ISY1: variants seen among roughly 807,000 people sequenced by gnomAD.
ISY1 encodes pre-mRNA-splicing factor ISY1 homolog.
In ISY1, 12 loss-of-function variants were observed where a neutral mutation model predicts 54.4. The observed-to-expected ratio is 0.22, with a 90% CI of 0.14 to 0.36. The LOEUF (loss-of-function observed/expected upper bound fraction) is 0.36, where lower values mean the gene tolerates loss of function less well. Ranked by LOEUF, ISY1 falls within the 10% of genes least tolerant of loss-of-function variation. The pLI is 1.00. For synonymous variants in ISY1, 96 were observed against 117.9 expected (o/e 0.81, Z 1.20); for missense variants, 282 against 342.2 (o/e 0.82, Z 1.39).
At chr3:129,143,736 T>C (rs1936693761) in intron 6 of ISY1, among the ~76,000 whole-genome samples, 1 of 151,678 alleles carries the variant, frequency 6.6e-6, no homozygotes, top group African/African-American at 2.4e-5. Flanking sequence ...TAATGAAAGC[T>C]ACCATTTTGA....
At position 129,134,205 on chromosome 3, in the gene ISY1, A is replaced by G. The variant is rs1285108919; in HGVS notation, c.542-10T>C. The stretch of plus-strand genomic sequence containing the variant: ...ACTAACTCGGCTCTGACTGAACACA[A>G]GAGAGGGTAGGTGCTATTTATTTGT... On this transcript the variant is annotated splice_polypyrimidine_tract_variant and intron_variant, in intron 8 of 10. Transcript: ENST00000393295. The G allele has an allele frequency of 6.2e-7, 1 of 1,614,054 alleles. No homozygotes were observed. The highest frequency in any genetic ancestry group is 8.5e-7 in the Non-Finnish European group (1 of 1,180,014).
intron 1 of ISY1, 55 bp downstream of exon 1, chr3:129,160,918 G>GGCCCCGGGGGGGGGGGGGGGGGGCC: frequency 1.5e-6 from 1 of 666,128 alleles, no homozygotes; most frequent in Non-Finnish European, 2.7e-6. Context: ...TGGACTGGGC[G>GGCCCCGGGGGGGGGGGGGGGGGGCC]CCCCCCCGCC....
chr3:129,147,705 G>C (rs1936812598), intron 5 of ISY1, among the ~76,000 whole-genome samples: 1 of 152,102 alleles, frequency 6.6e-6, no homozygotes, highest in African/African-American at 2.4e-5. Context: ...ATATAATCAT[G>C]TAATCATCAC....
rs1205831499 is a variant in ISY1, at chr3:129,137,485, A to AT, written c.419-2532_419-2531insA. On this transcript the variant is annotated intron_variant, in intron 7 of 10. Coordinates refer to ENST00000393295, the MANE Select transcript of ISY1 (RefSeq NM_020701.4). ...AGAAAAATGTAAATGCAAAAAACCT[A>AT]ACATATAGAGCATAATCACAATATA... Among the ~76,000 whole-genome samples the AT allele has an allele frequency of 3.9e-5, 6 of 152,304 alleles. No individual in the cohort carries two copies. The East Asian group carries it at 1.2e-3, about 29-fold the overall frequency.
At chr3:129,136,098 T>C (rs1404169874) in intron 7 of ISY1, among the ~76,000 whole-genome samples, 1 of 152,008 alleles carries the variant, frequency 6.6e-6, no homozygotes, top group African/African-American at 2.4e-5. Context: ...ATCCAGAATA[T>C]TTAAGTAATT....
chr3:129,147,249 C>T (rs1396317914), intron 5 of ISY1, among the ~76,000 whole-genome samples: 5 of 151,332 alleles, frequency 3.3e-5, no homozygotes, highest in South Asian at 2.1e-4. Context: ...TGATGGTGCA[C>T]GCTTGTAATC....
intron 8 of ISY1, 71 bp from the exon 9 acceptor site, chr3:129,134,266 C>A (rs1936326510): frequency 1.2e-6 from 2 of 1,603,554 alleles, no homozygotes; most frequent in African/African-American, 2.7e-5. Flanking sequence ...CAGGGAAAGG[C>A]CAACACTATG....
At chr3:129,143,001 G>A (rs1461363876) in intron 6 of ISY1, among the ~76,000 whole-genome samples, 1 of 152,184 alleles carries the variant, frequency 6.6e-6, no homozygotes, top group African/African-American at 2.4e-5. Context: ...GTTGCAGTGA[G>A]TCGAAATCAC....
Position 129,148,253 on chromosome 3 carries a change from G to A in ISY1, c.188-2380C>T, listed in dbSNP as rs112145210. On this transcript the variant is annotated intron_variant, in intron 5 of 10. Coordinates refer to ENST00000393295, the MANE Select transcript of ISY1 (RefSeq NM_020701.4). ...TGGGGCTACTATAAACATTATGTAT[G>A]AGTTTTTGTGTAACAGAAAAGTATT... 5.4e-3 allele frequency among the ~76,000 whole-genome samples: 823 copies of A among 152,314 alleles called. 5 individuals carry two copies. The highest frequency in any genetic ancestry group is 9.1e-3 in the Non-Finnish European group (621 of 68,026).
chr3:129,134,013 T>C, intron 9 of ISY1, 61 bp downstream of exon 9: 1 of 1,605,180 alleles, frequency 6.2e-7, no homozygotes, highest in Non-Finnish European at 8.5e-7. Flanking sequence ...GTTTCCTCCC[T>C]GCCACACTTC....
At chr3:129,156,793 G>C (rs1937155363) in intron 4 of ISY1, 62 bp downstream of exon 4, 5 of 1,586,356 alleles carry the variant, frequency 3.2e-6, no homozygotes, top group Non-Finnish European at 4.3e-6. Flanking sequence ...CAGTCATTTA[G>C]ATAATAAGAA....
intron 1 of ISY1, 119 bp downstream of exon 1, chr3:129,160,854 A>C: frequency 7.8e-7 from 1 of 1,274,414 alleles, no homozygotes; most frequent in Non-Finnish European, 1.1e-6. Context: ...ACACCAAGGA[A>C]CTTGAAGCCC....
chr3:129,149,935 C>T (rs1339806283), intron 5 of ISY1, among the ~76,000 whole-genome samples: 4 of 149,196 alleles, frequency 2.7e-5, no homozygotes, highest in Non-Finnish European at 5.9e-5. Context: ...GACTGCACCA[C>T]TGTACTCCAG....
chr3:129,143,574 T>A (rs1936685432), intron 6 of ISY1, among the ~76,000 whole-genome samples: 1 of 151,450 alleles, frequency 6.6e-6, no homozygotes, highest in South Asian at 2.1e-4. Flanking sequence ...GATTATTTAT[T>A]GACACGAAAC....
At chr3:129,152,818 G>C (rs905690859) in intron 5 of ISY1, among the ~76,000 whole-genome samples, 1 of 152,094 alleles carries the variant, frequency 6.6e-6, no homozygotes, top group African/African-American at 2.4e-5. Context: ...TTTAGCATCA[G>C]GGTAATGCTG....
chr3:129,158,703 G>C (rs1937216686), intron 2 of ISY1, 144 bp from the exon 3 acceptor site: 2 of 1,179,760 alleles, frequency 1.7e-6, no homozygotes, highest in Non-Finnish European at 2.4e-6. Flanking sequence ...AGAAACCACA[G>C]AATAGTTAGG....
intron 7 of ISY1, among the ~76,000 whole-genome samples, chr3:129,135,490 G>T (rs1283468422): frequency 1.2e-4 from 18 of 152,158 alleles, no homozygotes; most frequent in Non-Finnish European, 1.5e-5. Context: ...ACCAGGCCGG[G>T]TGCGGTGACT....
chr3:129,158,703 G>A (rs1937216686), intron 2 of ISY1, 144 bp from the exon 3 acceptor site: 1 of 1,179,760 alleles, frequency 8.5e-7, no homozygotes, highest in South Asian at 1.5e-5. Context: ...AGAAACCACA[G>A]AATAGTTAGG....
chr3:129,139,654 T>C (rs1316421236), intron 7 of ISY1, among the ~76,000 whole-genome samples: 3 of 152,122 alleles, frequency 2.0e-5, no homozygotes, highest in Non-Finnish European at 2.9e-5. Context: ...CTCCTTTTTT[T>C]TTTTTGAGAT....
Sources: gnomAD v4.1 joint callset for allele counts (sites outside exome capture counted in the v4.1 genomes callset) on GRCh38, gnomAD v4.1.1 for gene constraint, MANE v1.5 for transcripts, NCBI Gene and HGNC (gene_info 2026-07-23, HGNC 2026-07-21) for gene names.